Variants in LSMEM2 observed in about 807,000 individuals in gnomAD.
LSMEM2 encodes leucine-rich single-pass membrane protein 2.
Under a neutral mutation model 17.3 loss-of-function variants are expected in LSMEM2, and 20 were observed. That is an observed-to-expected ratio of 1.16 (90% confidence interval 0.81 to 1.68). LSMEM2 has a LOEUF of 1.68. Ranked by LOEUF, LSMEM2 falls within the 40% of genes most tolerant of loss-of-function variation. LSMEM2 has a pLI of 0.00. For missense variants in LSMEM2, 207 were observed against 214.3 expected, an observed-to-expected ratio of 0.97 and a Z score of 0.21; for synonymous variants, 94 against 97.8, an observed-to-expected ratio of 0.96 and a Z score of 0.23.
Position 50,287,335 on chromosome 3 carries a change from C to CTGTT in LSMEM2, c.*134_*137dup. On this transcript the variant is annotated 3_prime_UTR_variant, in exon 4 of 4. Coordinates refer to ENST00000316436, the MANE Select transcript of LSMEM2 (RefSeq NM_153215.3). ...CTTGGTGAGATTTTTGTACAAGAAC[C>CTGTT]TGTTGTTAACTTAATGGCTGCCTCC... 3 of 1,196,392 alleles carry CTGTT rather than the reference C, an allele frequency of 2.5e-6. No individual in the cohort carries two copies. The highest frequency in any genetic ancestry group is 3.5e-6 in the Non-Finnish European group (3 of 845,658). The allele number at this position is 1,196,392 out of a possible 1,614,324, so 74.1% of individuals were successfully genotyped here.
chr3:50,284,732 CAAAAA>C (rs1701477126), intron 1 of LSMEM2, among the ~76,000 whole-genome samples: 1 of 151,692 alleles, frequency 6.6e-6, no homozygotes, highest in African/African-American at 2.4e-5. Context: ...GAATCTGTCT[CAAAAA>C]CAAAACAAAA....
At chr3:50,278,201 G>A (rs1205220549), upstream of LSMEM2, among the ~76,000 whole-genome samples, 1 of 152,206 alleles carries the variant, frequency 6.6e-6, no homozygotes, top group Non-Finnish European at 1.5e-5. Context: ...AGGTGTGTAG[G>A]AAGTAGAGCC....
intron 1 of LSMEM2, among the ~76,000 whole-genome samples, chr3:50,282,639 C>G (rs587775477): frequency 6.6e-6 from 1 of 152,136 alleles, no homozygotes. Context: ...AAACCCAGCA[C>G]TTTGGGAGGA....
upstream of LSMEM2, among the ~76,000 whole-genome samples, chr3:50,278,296 C>T (rs977622563): frequency 1.3e-5 from 2 of 152,234 alleles, no homozygotes; most frequent in Admixed American, 6.5e-5. Flanking sequence ...CCACCTCCTC[C>T]TTTCAAGGTA....
At chr3:50,284,185 A>G (rs1701465967) in intron 1 of LSMEM2, among the ~76,000 whole-genome samples, 1 of 147,626 alleles carries the variant, frequency 6.8e-6, no homozygotes, top group Admixed American at 6.8e-5. Flanking sequence ...CAGCCTGGGC[A>G]ACACAGCAAG....
At chr3:50,283,700 G>A (rs1380881796) in intron 1 of LSMEM2, among the ~76,000 whole-genome samples, 1 of 151,820 alleles carries the variant, frequency 6.6e-6, no homozygotes, top group African/African-American at 2.4e-5. Flanking sequence ...TAAGGAGGGT[G>A]AGGTAGGAGA....
chr3:50,286,469 A>G lies in LSMEM2; in HGVS notation c.59-2A>G. ...CTAAATCAGCCTGCGCTGCCCCTGC[A>G]GACTCCGTGGCGCCAATGATGCCCA... On this transcript the variant is annotated splice_acceptor_variant, in intron 1 of 3. Coordinates refer to ENST00000316436, the MANE Select transcript of LSMEM2 (RefSeq NM_153215.3). LOFTEE classifies it high-confidence loss of function. 6.3e-7 allele frequency: 1 copy of G among 1,597,512 alleles called. No homozygotes were observed. The highest frequency in any genetic ancestry group is 1.3e-5 in the African/African-American group (1 of 74,812).
chr3:50,285,943 A>G (rs1159250277), intron 1 of LSMEM2, among the ~76,000 whole-genome samples: 2 of 151,952 alleles, frequency 1.3e-5, no homozygotes, highest in Non-Finnish European at 2.9e-5. Context: ...GCAACAGTAT[A>G]ACAAAGAAGG....
At chr3:50,279,495 G>A (rs139504074) in intron 1 of LSMEM2, among the ~76,000 whole-genome samples, 47 of 152,306 alleles carry the variant, frequency 3.1e-4, no homozygotes, top group African/African-American at 1.0e-3. Flanking sequence ...CTGCCTGGCC[G>A]GTTCAGCTCT....
intron 1 of LSMEM2, among the ~76,000 whole-genome samples, chr3:50,284,353 A>G (rs149671210): frequency 1.3e-5 from 2 of 152,048 alleles, no homozygotes; most frequent in East Asian, 3.9e-4. Flanking sequence ...TTTTTTTCCT[A>G]TGGGGATGCC....
At position 50,279,120 on chromosome 3, in the gene LSMEM2, T is replaced by A. The variant is rs781870550; in HGVS notation, c.7T>A (p.Ser3Thr). 1 of 1,614,022 alleles carries A rather than the reference T, an allele frequency of 6.2e-7. No individual in the cohort carries two copies. The highest frequency in any genetic ancestry group is 8.5e-7 in the Non-Finnish European group (1 of 1,180,006). The stretch of plus-strand genomic sequence containing the variant: ...TGTCCAGTCCTGCTACTGGATGCCA[T>A]CATTGGCCCCCGACTGCCCACTGCT... MP[S>T]LAPDCPLLAM... Residue 3 changes from serine to threonine, a missense_variant, in exon 1 of 4, where the codon TCA becomes ACA. Ser to Thr is a moderately conservative substitution (Grantham distance 58, BLOSUM62 1). Transcript: ENST00000316436.
chr3:50,278,791 T>TTGTC (rs1306702516), upstream of LSMEM2, among the ~76,000 whole-genome samples: 4 of 152,128 alleles, frequency 2.6e-5, no homozygotes, highest in African/African-American at 9.7e-5. Flanking sequence ...CAGGCTTCCT[T>TTGTC]TGTCTGTCTT....
chr3:50,283,062 G>A (rs1701435284), intron 1 of LSMEM2, among the ~76,000 whole-genome samples: 1 of 152,086 alleles, frequency 6.6e-6, no homozygotes, highest in Admixed American at 6.6e-5. Flanking sequence ...GCACGTGCCT[G>A]TAGTTCCAGC....
intron 1 of LSMEM2, among the ~76,000 whole-genome samples, chr3:50,281,670 ATTTTTT>A (rs144025924): frequency 3.1e-5 from 3 of 95,470 alleles, no homozygotes; most frequent in Non-Finnish European, 6.2e-5. Context: ...GCAGCAGGGA[ATTTTTT>A]TTTTTTTTTT....
At chr3:50,285,989 G>C (rs1701511223) in intron 1 of LSMEM2, among the ~76,000 whole-genome samples, 2 of 152,240 alleles carry the variant, frequency 1.3e-5, no homozygotes, top group Admixed American at 1.3e-4. Flanking sequence ...GAAAACAGCA[G>C]GGTTCACACA....
rs587640145 is a variant in LSMEM2 at position 50,285,852 on chromosome 3, A to G, written c.59-619A>G. Among the ~76,000 whole-genome samples, 932 of 152,128 alleles carry G rather than the reference A, an allele frequency of 6.1e-3. 5 individuals are homozygous for G. The highest frequency in any genetic ancestry group is 8.4e-3 in the Non-Finnish European group (569 of 67,962). ...AGCGAAACTCCGTCTCAAAAAAAAAAGGGGGGCGGGGACTGCAAACAACCT... is the reference window on the plus strand; with the variant it reads ...AGCGAAACTCCGTCTCAAAAAAAAAGGGGGGGCGGGGACTGCAAACAACCT... On this transcript the variant is annotated intron_variant, in intron 1 of 3. Coordinates refer to ENST00000316436, the MANE Select transcript of LSMEM2 (RefSeq NM_153215.3).
upstream of LSMEM2, chr3:50,278,989 GC>G: frequency 2.0e-6 from 2 of 977,726 alleles, no homozygotes; most frequent in East Asian, 2.6e-5. Flanking sequence ...GCTGAGGGCT[GC>G]CCCCTCTAAA....
chr3:50,284,271 TA>T lies in LSMEM2; in HGVS notation c.59-2196del, dbSNP rs200441957. ...ACACTCCCTAGGCTAAGAAACCCAA[TA>T]AAATAAGAAAGACCATTTCTCATCT... On this transcript the variant is annotated intron_variant, in intron 1 of 3. Coordinates refer to ENST00000316436, the MANE Select transcript of LSMEM2 (RefSeq NM_153215.3). Among the ~76,000 whole-genome samples the T allele has an allele frequency of 3.6e-3, 471 of 132,568 alleles. 4 individuals are homozygous for T. The highest frequency in any genetic ancestry group is 0.013 in the African/African-American group (444 of 34,978). 87.0% of individuals were successfully genotyped at this position (132,568 alleles called of 152,430 possible).
At position 50,279,878 on chromosome 3, in the gene LSMEM2, C is replaced by CTT. The variant is rs781923861; in HGVS notation, c.58+721_58+722dup. Among the ~76,000 whole-genome samples, 785 of 144,234 alleles carry CTT rather than the reference C, an allele frequency of 5.4e-3. 5 individuals are homozygous for CTT. Among genetic ancestry groups the CTT allele is most frequent in the African/African-American group, 0.018 (729 of 39,526 alleles). The allele number at this position is 144,234 out of a possible 152,430, so 94.6% of individuals were successfully genotyped here. A position where few individuals can be genotyped will look rare whatever the true frequency, so the allele number is the denominator to read the frequency against. ...CAAGCTCCTCTTATCACATTTTCAACTTTTTTTTTTTTTTTGAGATGGAAT... is the reference window on the plus strand; with the variant it reads ...CAAGCTCCTCTTATCACATTTTCAACTTTTTTTTTTTTTTTTTGAGATGGAAT... On this transcript the variant is annotated intron_variant, in intron 1 of 3. Transcript: ENST00000316436.
Sources: allele counts gnomAD v4.1 joint callset (sites outside exome capture counted in the v4.1 genomes callset), GRCh38; gene constraint gnomAD v4.1.1; transcripts MANE v1.5; gene names NCBI Gene and HGNC (gene_info 2026-07-23, HGNC 2026-07-21).